PTPN21: variants seen among roughly 807,000 people sequenced by gnomAD.
PTPN21 encodes protein tyrosine phosphatase non-receptor type 21.
In PTPN21, 77 loss-of-function variants were observed where a neutral mutation model predicts 131.8. The observed-to-expected ratio is 0.58, with a 90% CI of 0.49 to 0.71. The LOEUF (loss-of-function observed/expected upper bound fraction) is 0.71. Ranked by LOEUF, PTPN21 falls within the 30% of genes least tolerant of loss-of-function variation. The pLI is 0.00. For missense variants in PTPN21, 1,552 were observed against 1,527.1 expected (o/e 1.02, Z -0.27); for synonymous variants, 715 against 621.3 (o/e 1.15, Z -2.24).
chr14:88,480,357 A>G lies in PTPN21; in HGVS notation c.1079-5T>C. On this transcript the variant is annotated splice_region_variant and splice_polypyrimidine_tract_variant and intron_variant, in intron 12 of 18. Coordinates refer to ENST00000556564, the MANE Select transcript of PTPN21 (RefSeq NM_007039.4). ...GGTTGGGCACAAAGAGGTTATCTAG[A>G]AAAAATGAGTTCAAAATGAGATTTT... 1 of 1,594,246 alleles carries G rather than the reference A, an allele frequency of 6.3e-7. No homozygotes were observed. The highest frequency in any genetic ancestry group is 8.6e-7 in the Non-Finnish European group (1 of 1,165,260).
intron 12 of PTPN21, among the ~76,000 whole-genome samples, chr14:88,482,141 G>A (rs1408188917): frequency 3.3e-5 from 5 of 152,230 alleles, no homozygotes; most frequent in Admixed American, 6.5e-5. Context: ...GCATGTGAAC[G>A]GAAGGGTGCA....
intron 8 of PTPN21, among the ~76,000 whole-genome samples, chr14:88,499,961 G>A (rs1159199295): frequency 2.0e-5 from 3 of 152,082 alleles, no homozygotes; most frequent in Non-Finnish European, 4.4e-5. Flanking sequence ...TTAGCACATC[G>A]CTATATATTC....
At position 88,504,450 on chromosome 14, in the gene PTPN21, C is replaced by G. The variant is rs1301994394; in HGVS notation, c.562G>C (p.Val188Leu). 2 of 1,612,452 alleles carry G rather than the reference C, an allele frequency of 1.2e-6. No individual in the cohort carries two copies. Among genetic ancestry groups the G allele is most frequent in the Admixed American group, 1.7e-5 (1 of 59,996 alleles). Residue 188 changes from valine to leucine, a missense_variant, in exon 6 of 19, where the codon GTG (valine) becomes CTG (leucine). By Grantham distance (32) the Val-to-Leu change is conservative (BLOSUM62 1). Coordinates refer to ENST00000556564, the MANE Select transcript of PTPN21 (RefSeq NM_007039.4). Reference sequence around the variant, plus strand: ...CTGTATTTCTGATGTAGTAAGGCCACTTTTTGGGTTGCTTCTTCCAATACT... The same window carrying G: ...CTGTATTTCTGATGTAGTAAGGCCAGTTTTTGGGTTGCTTCTTCCAATACT... ...EKVLEEATQKVALLHQKYRGL... is the reference protein window; with the variant it reads ...EKVLEEATQKLALLHQKYRGL...
At position 88,479,504 on chromosome 14, in the gene PTPN21, G is replaced by T. The variant is rs760471599; in HGVS notation, c.1927C>A (p.Leu643Ile). ...HKRNSIEVAG[L>I]SHGLEGLRLK... The stretch of plus-strand genomic sequence containing the variant: ...CGCAGGCCCTCCAGGCCGTGGCTGA[G>T]CCCGGCCACCTCGATGCTGTTCCGT... The change falls in exon 13 of 19, where the codon CTC becomes ATC. Residue 643 changes from leucine (L) to isoleucine (I), a missense_variant. Coordinates refer to ENST00000556564, the MANE Select transcript of PTPN21 (RefSeq NM_007039.4). The T allele has an allele frequency of 1.9e-6, 3 of 1,601,164 alleles. No individual in the cohort carries two copies. The highest frequency in any genetic ancestry group is 2.5e-6 in the Non-Finnish European group (3 of 1,179,224).
chr14:88,533,888 A>T (rs1387664018), intron 2 of PTPN21, among the ~76,000 whole-genome samples: 2 of 152,022 alleles, frequency 1.3e-5, no homozygotes, highest in Non-Finnish European at 2.9e-5. Context: ...AAAAACAGTG[A>T]ACTGGAAATC....
chr14:88,490,631 T>C (rs2077809028), intron 10 of PTPN21, among the ~76,000 whole-genome samples: 1 of 152,202 alleles, frequency 6.6e-6, no homozygotes, highest in African/African-American at 2.4e-5. Context: ...GGGTAAACTC[T>C]TTCCCTTTCC....
chr14:88,500,683 C>A, intron 8 of PTPN21, 100 bp downstream of exon 8: 1 of 802,552 alleles, frequency 1.2e-6, no homozygotes. Flanking sequence ...TTAATGAGAC[C>A]TTGGTATAGA....
chr14:88,469,400 T>C lies in PTPN21; in HGVS notation c.3235+99A>G. ...TGTTAAAACAAGTCCGAAGCTTATA[T>C]GAGATAACATAAAGGAAATATTTCG... On this transcript the variant is annotated intron_variant, in intron 17 of 18. Transcript: ENST00000556564. This position sits in a 1 kb window ranked among gnomAD's most constrained non-coding sequence, Gnocchi z 4.3. 1 of 1,063,794 alleles carries C rather than the reference T, an allele frequency of 9.4e-7. No homozygotes were observed. 65.9% of individuals were successfully genotyped at this position (1,063,794 alleles called of 1,614,324 possible).
At chr14:88,543,490 C>A (rs1048487416) in intron 2 of PTPN21, among the ~76,000 whole-genome samples, 1 of 152,198 alleles carries the variant, frequency 6.6e-6, no homozygotes, top group African/African-American at 2.4e-5. Flanking sequence ...CAAAGGCTGA[C>A]TTAATTGTAC....
At chr14:88,497,495 C>T (rs749378147) in intron 8 of PTPN21, among the ~76,000 whole-genome samples, 1 of 151,886 alleles carries the variant, frequency 6.6e-6, no homozygotes, top group Non-Finnish European at 1.5e-5. Context: ...CTAGCCCAGG[C>T]GCAGTGGCTC....
Position 88,485,783 on chromosome 14 carries a change from A to G in PTPN21, c.992T>C (p.Leu331Pro). The change falls in exon 11 of 19, where the codon CTG becomes CCG. Residue 331 changes from leucine (L) to proline (P), a missense_variant and splice_region_variant. Coordinates refer to ENST00000556564, the MANE Select transcript of PTPN21 (RefSeq NM_007039.4). ...IRRRSSSRMS[L>P]PKPQPYVMPP... ...AATCATATTTTCCTTGTTTCTTACCAGAGACATCCTTGAAGAAGACCTCCT... is the reference window on the plus strand; with the variant it reads ...AATCATATTTTCCTTGTTTCTTACCGGAGACATCCTTGAAGAAGACCTCCT... 1 of 1,598,842 alleles carries G rather than the reference A, an allele frequency of 6.3e-7. No individual in the cohort carries two copies. Among genetic ancestry groups the G allele is most frequent in the Non-Finnish European group, 8.6e-7 (1 of 1,166,918 alleles).
intron 1 of PTPN21, chr14:88,552,629 T>A (rs1217885992): frequency 6.6e-6 from 1 of 152,202 alleles, no homozygotes; most frequent in Non-Finnish European, 1.5e-5. Flanking sequence ...TGCAACTACC[T>A]AAAGCACTGT....
chr14:88,549,979 T>G (rs2078837729), intron 2 of PTPN21, among the ~76,000 whole-genome samples: 1 of 152,032 alleles, frequency 6.6e-6, no homozygotes, highest in African/African-American at 2.4e-5. Flanking sequence ...AGACATGGGG[T>G]TTCACCATAT....
chr14:88,540,926 G>A (rs1409726305), intron 2 of PTPN21, among the ~76,000 whole-genome samples: 1 of 152,166 alleles, frequency 6.6e-6, no homozygotes, highest in African/African-American at 2.4e-5. Context: ...GCCTGTCAAA[G>A]TGCTATGATT....
intron 2 of PTPN21, among the ~76,000 whole-genome samples, chr14:88,538,045 G>GTA (rs891637055): frequency 5.3e-5 from 8 of 152,128 alleles, no homozygotes; most frequent in African/African-American, 1.9e-4. Flanking sequence ...GCACATGACT[G>GTA]TATATATATA....
chr14:88,468,071 G>T lies in PTPN21; in HGVS notation c.*66C>A. ...AGTGTCAACGGGAAAGTATGAGTTA[G>T]GCAAGCGCTTTTTTTTTAAGCTGTA... On this transcript the variant is annotated 3_prime_UTR_variant, in exon 19 of 19. Coordinates refer to ENST00000556564, the MANE Select transcript of PTPN21 (RefSeq NM_007039.4). 6.4e-7 allele frequency: 1 copy of T among 1,568,676 alleles called. No homozygotes were observed. The highest frequency in any genetic ancestry group is 1.1e-5 in the South Asian group (1 of 88,532).
Position 88,526,547 on chromosome 14 carries a change from CAAAAAAAAA to C in PTPN21, c.181-9295_181-9287del, listed in dbSNP as rs10587204. Among the ~76,000 whole-genome samples, 7 of 56,912 alleles carry C rather than the reference CAAAAAAAAA, an allele frequency of 1.2e-4. 1 individual carries two copies. The highest frequency in any genetic ancestry group is 2.4e-3 in the South Asian group (2 of 844). 37.3% of individuals were successfully genotyped at this position (56,912 alleles called of 152,430 possible). A position where few individuals can be genotyped will look rare whatever the true frequency, so the allele number is the denominator to read the frequency against. On this transcript the variant is annotated intron_variant, in intron 2 of 18. Transcript: ENST00000556564. ...CCTGGGCAATAGAGCGAGATGATCT[CAAAAAAAAA>C]AAAAAAAAAAAAAAAAAAAGGTTAG...
intron 15 of PTPN21, 47 bp downstream of exon 15, chr14:88,472,195 CTT>C: frequency 9.8e-7 from 1 of 1,025,256 alleles, no homozygotes; most frequent in Admixed American, 1.8e-5. Context: ...ATTCTTGTAA[CTT>C]AACTGAAACT....
At chr14:88,518,788 T>A (rs956175579) in intron 2 of PTPN21, among the ~76,000 whole-genome samples, 1 of 152,002 alleles carries the variant, frequency 6.6e-6, no homozygotes, top group Non-Finnish European at 1.5e-5. Context: ...GAATGCTGAG[T>A]AAGCAGTGTT....
Sources: gnomAD v4.1 joint callset for allele counts (sites outside exome capture counted in the v4.1 genomes callset) on GRCh38, gnomAD v4.1.1 for gene constraint, Gnocchi (gnomAD v3.1) non-coding constraint, MANE v1.5 for transcripts, NCBI Gene and HGNC (gene_info 2026-07-23, HGNC 2026-07-21) for gene names.